The following MATN2 variants were observed in gnomAD, a reference collection of about 807,000 sequenced individuals.
MATN2 encodes matrilin-2.
In MATN2, 69 loss-of-function variants were observed where a neutral mutation model predicts 103.2. The observed-to-expected ratio is 0.67, with a 90% CI of 0.55 to 0.82. The LOEUF (loss-of-function observed/expected upper bound fraction) is 0.82, where lower values mean the gene tolerates loss of function less well. MATN2 is among the 40% of genes least tolerant of loss of function. The pLI is 0.00. For synonymous variants in MATN2, 429 were observed against 450.2 expected, an observed-to-expected ratio of 0.95 and a Z score of 0.60; for missense variants, 1,023 against 1,211.5, an observed-to-expected ratio of 0.84 and a Z score of 2.31.
intron 1 of MATN2, among the ~76,000 whole-genome samples, chr8:97,876,169 G>A (rs867481527): frequency 1.3e-5 from 2 of 149,564 alleles, no homozygotes; most frequent in Middle Eastern, 3.4e-3. Flanking sequence ...GTGCCACCAC[G>A]CTTGGCTAAT....
intron 6 of MATN2, among the ~76,000 whole-genome samples, chr8:97,990,272 C>T (rs79233642): frequency 0.017 from 2,602 of 150,164 alleles, 39 homozygotes; most frequent in Non-Finnish European, 0.023. Flanking sequence ...ATAGAGATGG[C>T]GAAGAAGCAT....
At chr8:98,028,183 G>T (rs908399010) in intron 14 of MATN2, among the ~76,000 whole-genome samples, 1 of 152,168 alleles carries the variant, frequency 6.6e-6, no homozygotes, top group African/African-American at 2.4e-5. Flanking sequence ...AGAATCAACT[G>T]AAGACTTTGT....
At chr8:97,954,149 T>A (rs1331281948) in intron 4 of MATN2, among the ~76,000 whole-genome samples, 1 of 152,124 alleles carries the variant, frequency 6.6e-6, no homozygotes, top group African/African-American at 2.4e-5. Context: ...AAAGTCGATA[T>A]TCTTTTCACC....
rs968673635 is a variant in MATN2, at chr8:98,035,996, C to A, written c.*284C>A. 3.7e-6 allele frequency: 1 copy of A among 272,996 alleles called. No homozygotes were observed. Among genetic ancestry groups the A allele is most frequent in the African/African-American group, 2.2e-5 (1 of 45,706 alleles). The allele number at this position is 272,996 out of a possible 1,614,324, so 16.9% of individuals were successfully genotyped here. A position where few individuals can be genotyped will look rare whatever the true frequency, so the allele number is the denominator to read the frequency against. ...AATATACTGTGGACACAACTTGCTT[C>A]TGCCTCATCCTGCCTTAGTGTGCAA... On this transcript the variant is annotated 3_prime_UTR_variant, in exon 19 of 19. Transcript: ENST00000254898.
At position 98,034,458 on chromosome 8, in the gene MATN2, A is replaced by G. The variant is rs112195243; in HGVS notation, c.2815+799A>G. The G allele has an allele frequency of 8.1e-4, 219 of 270,170 alleles. 1 individual carries two copies. The highest frequency in any genetic ancestry group is 4.5e-3 in the African/African-American group (208 of 46,126). The allele number at this position is 270,170 out of a possible 1,614,324, so 16.7% of individuals were successfully genotyped here. On this transcript the variant is annotated intron_variant, in intron 18 of 18. Coordinates refer to ENST00000254898, the MANE Select transcript of MATN2 (RefSeq NM_002380.5). ...TGCCAATGGGCTTATGTAATAAGGA[A>G]CAACAGCATAGGGCAATTCCATTTC... is the stretch of plus-strand genomic sequence containing the variant.
chr8:98,033,002 C>A, intron 16 of MATN2, 40 bp from the exon 17 acceptor site: 1 of 1,578,670 alleles, frequency 6.3e-7, no homozygotes, highest in South Asian at 1.2e-5. Flanking sequence ...TAACCAAAAG[C>A]GTTAAGCAGG....
chr8:98,025,268 T>TCACGCACA (rs1813746475), intron 13 of MATN2: 1 of 152,154 alleles, frequency 6.6e-6, no homozygotes, highest in African/African-American at 2.4e-5. Context: ...ATGTGCGCAC[T>TCACGCACA]CACGCACACA....
At chr8:97,946,750 AT>A (rs1466074877) in intron 4 of MATN2, among the ~76,000 whole-genome samples, 2 of 152,074 alleles carry the variant, frequency 1.3e-5, no homozygotes, top group African/African-American at 2.4e-5. Context: ...TCCAGCTTAA[AT>A]TTTTTTTCTT....
intron 14 of MATN2, 104 bp downstream of exon 14, chr8:98,027,933 A>G (rs1453590572): frequency 8.3e-7 from 1 of 1,202,870 alleles, no homozygotes; most frequent in African/African-American, 1.5e-5. Flanking sequence ...TTGAGTGTAC[A>G]GAAAGGCCTC....
In MATN2 at chr8:97,931,754, G is replaced by C. The variant is rs1448513731; in HGVS notation, c.712+232G>C. Among the ~76,000 whole-genome samples the C allele has an allele frequency of 6.6e-6, 1 of 152,214 alleles. No homozygotes were observed. The highest frequency in any genetic ancestry group is 2.4e-5 in the African/African-American group (1 of 41,464). ...GTCATGCTCTGTCACCCAGGCTGTA[G>C]TGCAGTGGCATGATCACAGCTCACT... On this transcript the variant is annotated intron_variant, in intron 3 of 18. Transcript: ENST00000254898. The surrounding 1 kb of genome is among the most constrained non-coding windows in gnomAD (Gnocchi z 4.1).
In MATN2 at chr8:97,869,465, AGG is replaced by A. The variant is rs1446360820; in HGVS notation, c.-27+182_-27+183del. On this transcript the variant is annotated intron_variant, in intron 1 of 18. Coordinates refer to ENST00000254898, the MANE Select transcript of MATN2 (RefSeq NM_002380.5). ...CGGCGCCTTCGACCCCTCCGAGGAC[AGG>A]GGGAGAGGGAGGGCGGCGCTGCCCG... Among the ~76,000 whole-genome samples the A allele has an allele frequency of 2.6e-5, 4 of 151,634 alleles. No individual in the cohort carries two copies. In the East Asian group the frequency reaches 7.9e-4, roughly 30 times the overall value.
chr8:97,991,708 C>T (rs1001714566), intron 6 of MATN2, among the ~76,000 whole-genome samples: 13 of 150,004 alleles, frequency 8.7e-5, no homozygotes, highest in East Asian at 2.0e-4. Flanking sequence ...GGCAGCAGAG[C>T]GAGACTCTAT....
rs780687059 is a variant in MATN2, at chr8:97,931,570, A to C, written c.712+48A>C. 6.7e-7 allele frequency: 1 copy of C among 1,488,456 alleles called. No individual in the cohort carries two copies. Among genetic ancestry groups the C allele is most frequent in the South Asian group, 1.3e-5 (1 of 77,078 alleles). 92.2% of individuals were successfully genotyped at this position (1,488,456 alleles called of 1,614,324 possible). On this transcript the variant is annotated intron_variant, in intron 3 of 18. Coordinates refer to ENST00000254898, the MANE Select transcript of MATN2 (RefSeq NM_002380.5). This position sits in a 1 kb window ranked among gnomAD's most constrained non-coding sequence, Gnocchi z 4.1. The stretch of plus-strand genomic sequence containing the variant: ...TCTTCTAGAGGAACCACTAGAATTC[A>C]TTCATTCATCTTCAAGTGTTCATTC...
chr8:97,880,319 G>A (rs1389531748), intron 1 of MATN2, among the ~76,000 whole-genome samples: 2 of 152,100 alleles, frequency 1.3e-5, no homozygotes, highest in African/African-American at 2.4e-5. Context: ...GTAAGCAGAA[G>A]CTCAGTTGTA....
At chr8:97,925,250 G>A (rs1175885898) in intron 2 of MATN2, among the ~76,000 whole-genome samples, 1 of 152,152 alleles carries the variant, frequency 6.6e-6, no homozygotes, top group African/African-American at 2.4e-5. Flanking sequence ...TACGGCCGCT[G>A]GGATTGGCCA....
intron 1 of MATN2, among the ~76,000 whole-genome samples, chr8:97,869,744 G>T (rs1817831148): frequency 6.6e-6 from 1 of 152,190 alleles, no homozygotes; most frequent in Non-Finnish European, 1.5e-5. Flanking sequence ...TTTTGTTCTT[G>T]GGTCTCTATG....
intron 1 of MATN2, among the ~76,000 whole-genome samples, chr8:97,873,274 A>T (rs1817959532): frequency 6.6e-6 from 1 of 152,108 alleles, no homozygotes; most frequent in Non-Finnish European, 1.5e-5. Flanking sequence ...TAAATCAAAG[A>T]GTTTTAGCTC....
At position 97,966,535 on chromosome 8, in the gene MATN2, T is replaced by C. The variant is rs142541976; in HGVS notation, c.958+5005T>C. On this transcript the variant is annotated intron_variant, in intron 5 of 18. Coordinates refer to ENST00000254898, the MANE Select transcript of MATN2 (RefSeq NM_002380.5). Reference sequence around the variant, plus strand: ...GAGCCATGATAGTGCCGCTGCACTCTAGCCTGGGCAACAGAGTAAGACCTT... The same window carrying C: ...GAGCCATGATAGTGCCGCTGCACTCCAGCCTGGGCAACAGAGTAAGACCTT... Among the ~76,000 whole-genome samples the C allele has an allele frequency of 1.0e-3, 151 of 150,324 alleles. 1 individual carries two copies. Among genetic ancestry groups the C allele is most frequent in the African/African-American group, 3.5e-3 (143 of 40,932 alleles).
At chr8:98,028,789 G>A (rs1224494390) in intron 14 of MATN2, among the ~76,000 whole-genome samples, 8 of 152,018 alleles carry the variant, frequency 5.3e-5, no homozygotes, top group Admixed American at 3.3e-4. Flanking sequence ...GGGTTTCACC[G>A]TGTTAGCCAG....
Sources: allele counts gnomAD v4.1 joint callset (sites outside exome capture counted in the v4.1 genomes callset), GRCh38; gene constraint gnomAD v4.1.1; non-coding constraint Gnocchi (gnomAD v3.1); transcripts MANE v1.5; gene names NCBI Gene and HGNC (gene_info 2026-07-23, HGNC 2026-07-21).